FLRT3: variants seen among roughly 807,000 people sequenced by gnomAD.
The protein encoded by FLRT3 is leucine-rich repeat transmembrane protein FLRT3.
In FLRT3, 17 loss-of-function variants were observed where a neutral mutation model predicts 42.6. The observed-to-expected ratio is 0.40, with a 90% CI of 0.27 to 0.60. The LOEUF (loss-of-function observed/expected upper bound fraction) is 0.60. Among genes scored for constraint, FLRT3 ranks in the 20% least tolerant of loss-of-function variants. The pLI, the probability that FLRT3 is intolerant of heterozygous loss-of-function variation, is 0.44. For synonymous variants in FLRT3, 279 were observed against 286.4 expected, an observed-to-expected ratio of 0.97 and a Z score of 0.26; for missense variants, 635 against 789.2, an observed-to-expected ratio of 0.80 and a Z score of 2.34.
At chr20:14,328,341 T>C (rs1033094463) in intron 2 of FLRT3, among the ~76,000 whole-genome samples, 3 of 152,112 alleles carry the variant, frequency 2.0e-5, no homozygotes, top group Non-Finnish European at 4.4e-5. Context: ...ATATGTTTCA[T>C]ACTGCAGGTT....
rs1353399455 is a variant in FLRT3, at chr20:14,326,717, G to A, written c.790C>T (p.Pro264Ser). 3 of 1,613,578 alleles carry A rather than the reference G, an allele frequency of 1.9e-6. No individual in the cohort carries two copies. The Admixed American group carries it at 5.0e-5, about 27-fold the overall frequency. Reference sequence around the variant, plus strand: ...TGCCTTAGATAAGAAAAAGCATTTGGGGGCACCCGATTGATGTGGTTATCT... The same window carrying A: ...TGCCTTAGATAAGAAAAAGCATTTGAGGGCACCCGATTGATGTGGTTATCT... ...LQDNHINRVP[P>S]NAFSYLRQLY... The change falls in exon 3 of 3, where the codon CCA becomes TCA. Residue 264 changes from proline to serine, a missense_variant. By Grantham distance (74) the Pro-to-Ser change is moderately conservative. Transcript: ENST00000341420. The surrounding 1 kb of genome is among the most constrained non-coding windows in gnomAD (Gnocchi z 5.5).
chr20:14,337,047 A>G (rs544516224), intron 1 of FLRT3, among the ~76,000 whole-genome samples: 1 of 152,354 alleles, frequency 6.6e-6, no homozygotes, highest in African/African-American at 2.4e-5. Context: ...CACGTACAGT[A>G]CACACCAAGT....
At chr20:14,336,908 A>G (rs577953372) in intron 1 of FLRT3, among the ~76,000 whole-genome samples, 4 of 152,340 alleles carry the variant, frequency 2.6e-5, no homozygotes, top group African/African-American at 2.4e-5. Context: ...ACAGAGGCAC[A>G]TAAGTCTCCA....
At chr20:14,332,238 T>C (rs944623565) in intron 1 of FLRT3, among the ~76,000 whole-genome samples, 5 of 152,128 alleles carry the variant, frequency 3.3e-5, no homozygotes, top group African/African-American at 1.2e-4. Context: ...TCATCAAGTC[T>C]GAAAGCTTCC....
rs1306933105 is a variant in FLRT3, at chr20:14,325,679, C to A, written c.1828G>T (p.Val610Leu). 1 of 1,613,838 alleles carries A rather than the reference C, an allele frequency of 6.2e-7. No individual in the cohort carries two copies. Among genetic ancestry groups the A allele is most frequent in the Non-Finnish European group, 8.5e-7 (1 of 1,179,814 alleles). ...SNEPISKEEF[V>L]IHTIFPPNGM... The stretch of plus-strand genomic sequence containing the variant: ...TTAGGAGGAAATATGGTGTGTATTA[C>A]AAACTCCTCCTTCGAGATGGGTTCA... Residue 610 changes from valine (V) to leucine (L), a missense_variant, in exon 3 of 3, where the codon GTA becomes TTA. Val to Leu is a conservative substitution (Grantham distance 32). Coordinates refer to ENST00000341420, the MANE Select transcript of FLRT3 (RefSeq NM_198391.3).
intron 1 of FLRT3, among the ~76,000 whole-genome samples, chr20:14,331,301 C>G (rs1165393085): frequency 1.3e-5 from 2 of 152,020 alleles, no homozygotes; most frequent in Non-Finnish European, 2.9e-5. Context: ...ATTTTTAACC[C>G]AGAGAATGAA....
intron 1 of FLRT3, among the ~76,000 whole-genome samples, chr20:14,335,183 T>G (rs569682903): frequency 6.6e-6 from 1 of 152,190 alleles, no homozygotes; most frequent in Non-Finnish European, 1.5e-5. Flanking sequence ...CTCTCTGCAG[T>G]GCACTTGCAT....
Position 14,327,403 on chromosome 20 carries a change from C to T in FLRT3, c.104G>A (p.Cys35Tyr). 6.2e-7 allele frequency: 1 copy of T among 1,613,642 alleles called. No individual in the cohort carries two copies. The highest frequency in any genetic ancestry group is 8.5e-7 in the Non-Finnish European group (1 of 1,179,704). ...GTAAATGAAACCCGCATCGCAGCGACACACAGATGGACAGGATTTAGCCAT... is the reference window on the plus strand; with the variant it reads ...GTAAATGAAACCCGCATCGCAGCGATACACAGATGGACAGGATTTAGCCAT... ...SVMAKSCPSVCRCDAGFIYCN... is the reference protein window; with the variant it reads ...SVMAKSCPSVYRCDAGFIYCN... Residue 35 changes from cysteine (C) to tyrosine (Y), a missense_variant, in exon 3 of 3, where the codon TGT becomes TAT. Coordinates refer to ENST00000341420, the MANE Select transcript of FLRT3 (RefSeq NM_198391.3).
At chr20:14,331,436 T>G (rs561146909) in intron 1 of FLRT3, among the ~76,000 whole-genome samples, 4 of 152,256 alleles carry the variant, frequency 2.6e-5, no homozygotes, top group Non-Finnish European at 4.4e-5. Flanking sequence ...CATACAATAG[T>G]GGTAATAATG....
At position 14,326,150 on chromosome 20, in the gene FLRT3, T is replaced by C. The variant is rs767088262; in HGVS notation, c.1357A>G (p.Thr453Ala). The C allele has an allele frequency of 6.2e-7, 1 of 1,613,840 alleles. No homozygotes were observed. The highest frequency in any genetic ancestry group is 8.5e-7 in the Non-Finnish European group (1 of 1,179,860). Residue 453 changes from threonine (T) to alanine (A), a missense_variant, in exon 3 of 3, where the codon ACA becomes GCA. By Grantham distance (58) the Thr-to-Ala change is moderately conservative (BLOSUM62 0). Coordinates refer to ENST00000341420, the MANE Select transcript of FLRT3 (RefSeq NM_198391.3). The surrounding 1 kb of genome is among the most constrained non-coding windows in gnomAD (Gnocchi z 5.5). ...LGHSPAFGSI[T>A]ETIVTGERSE... is the part of the protein sequence containing the mutation. ...CGTTCCCCTGTTACAATTGTTTCTG[T>C]TATAGATCCAAATGCCGGGCTATGG...
chr20:14,335,369 C>T (rs2082917725), intron 1 of FLRT3, among the ~76,000 whole-genome samples: 1 of 152,178 alleles, frequency 6.6e-6, no homozygotes, highest in Non-Finnish European at 1.5e-5. Flanking sequence ...GTCTGACAGC[C>T]ACAAGATTTC....
rs138378793 is a variant in FLRT3, at chr20:14,323,200, C to T, written c.*2357G>A. On this transcript the variant is annotated 3_prime_UTR_variant, in exon 3 of 3. Transcript: ENST00000341420. ...GCTTATTCCCACAAAACTGCCTCCT[C>T]TTCAGACACCAGTTGCAAGACTAGT... is the stretch of plus-strand genomic sequence containing the variant. 6 of 152,324 alleles carry T rather than the reference C, an allele frequency of 3.9e-5. No homozygotes were observed. The highest frequency in any genetic ancestry group is 4.8e-5 in the African/African-American group (2 of 41,570). 9.4% of individuals were successfully genotyped at this position (152,324 alleles called of 1,614,324 possible).
At position 14,327,229 on chromosome 20, in the gene FLRT3, T is replaced by C; in HGVS notation, c.278A>G (p.Asn93Ser). The C allele has an allele frequency of 1.2e-6, 2 of 1,613,698 alleles. No individual in the cohort carries two copies. The highest frequency in any genetic ancestry group is 1.7e-5 in the Admixed American group (1 of 59,972). The change falls in exon 3 of 3, where the codon AAC (asparagine) becomes AGC (serine). Residue 93 changes from asparagine to serine, a missense_variant. Physicochemically the swap from Asn to Ser is conservative, Grantham distance 46. Transcript: ENST00000341420. The part of the protein sequence containing the change: ...LKVERIYLYH[N>S]SLDEFPTNLP... ...GTTGGTAGGAAATTCATCTAAACTGTTGTGGTATAGGTATATTCTTTCTAC... is the reference window on the plus strand; with the variant it reads ...GTTGGTAGGAAATTCATCTAAACTGCTGTGGTATAGGTATATTCTTTCTAC...
chr20:14,326,677 T>C lies in FLRT3; in HGVS notation c.830A>G (p.Asp277Gly), dbSNP rs2082740763. Residue 277 changes from aspartate to glycine, a missense_variant, in exon 3 of 3, where the codon GAT becomes GGT. Transcript: ENST00000341420. The surrounding 1 kb of genome is among the most constrained non-coding windows in gnomAD (Gnocchi z 5.5). ...ATTACTTAGGTTATTATTGGACATA[T>C]CCAGTCGATAGAGCTGCCTTAGATA... is the stretch of plus-strand genomic sequence containing the variant. ...FSYLRQLYRL[D>G]MSNNNLSNLP... 1 of 1,613,786 alleles carries C rather than the reference T, an allele frequency of 6.2e-7. No individual in the cohort carries two copies. Among genetic ancestry groups the C allele is most frequent in the African/African-American group, 1.3e-5 (1 of 75,012 alleles).
rs949254578 is a variant in FLRT3, at chr20:14,325,509, T to G, written c.*48A>C. 15 of 1,554,616 alleles carry G rather than the reference T, an allele frequency of 9.6e-6. No individual in the cohort carries two copies. In the African/African-American group the frequency reaches 1.4e-4, roughly 14 times the overall value. On this transcript the variant is annotated 3_prime_UTR_variant, in exon 3 of 3. Transcript: ENST00000341420. ...AACAGGGTTCCTACCATCACCTCCC[T>G]TAGGTTTAAAAAACCCAAAACACAA...
rs1234702769 is a variant in FLRT3 at position 14,325,986 on chromosome 20, G to T, written c.1521C>A (p.Tyr507Ter). 1.2e-6 allele frequency: 2 copies of T among 1,613,928 alleles called. No homozygotes were observed. The highest frequency in any genetic ancestry group is 1.7e-6 in the Non-Finnish European group (2 of 1,179,870). The change falls in exon 3 of 3, where the codon TAC (tyrosine) becomes TAA (stop). Residue 507 changes from tyrosine to a stop codon, truncating the protein, a stop_gained. Coordinates refer to ENST00000341420, the MANE Select transcript of FLRT3 (RefSeq NM_198391.3). LOFTEE classifies it high-confidence loss of function. ...CTCGATTGAGGGTGGTTGTAGGGTT[G>T]TACATTCGAAGGGGTGCAGTTTCAG... Reference protein sequence around the residue: ...IETETAPLRMYNPTTTLNREQ... With the variant: ...IETETAPLRM
intron 1 of FLRT3, 97 bp downstream of exon 1, chr20:14,337,307 T>C: frequency 3.3e-6 from 1 of 304,468 alleles, no homozygotes; most frequent in Non-Finnish European, 6.0e-6. Context: ...AACGTTCCTA[T>C]TTGGATTTCT....
rs1260781770 is a variant in FLRT3, at chr20:14,323,386, A to T, written c.*2171T>A. On this transcript the variant is annotated 3_prime_UTR_variant, in exon 3 of 3. Coordinates refer to ENST00000341420, the MANE Select transcript of FLRT3 (RefSeq NM_198391.3). ...TAAGGTGAGGTCTAGGTGGGCACAG[A>T]GCTTCCATGCCCTCTCCAGGCATGC... The T allele has an allele frequency of 6.6e-6, 1 of 152,166 alleles. No individual in the cohort carries two copies. The highest frequency in any genetic ancestry group is 2.4e-5 in the African/African-American group (1 of 41,458). The allele number at this position is 152,166 out of a possible 1,614,324, so 9.4% of individuals were successfully genotyped here.
intron 2 of FLRT3, 111 bp downstream of exon 2, chr20:14,329,023 A>G (rs1340356939): frequency 6.6e-6 from 1 of 151,708 alleles, no homozygotes; most frequent in African/African-American, 2.4e-5. Flanking sequence ...TCATGATGCT[A>G]AGGCCTGTAT....
Sources: gnomAD v4.1 joint callset for allele counts (sites outside exome capture counted in the v4.1 genomes callset) on GRCh38, gnomAD v4.1.1 for gene constraint, Gnocchi (gnomAD v3.1) non-coding constraint, MANE v1.5 for transcripts, NCBI Gene and HGNC (gene_info 2026-07-23, HGNC 2026-07-21) for gene names.